Variants in DOCK5 observed in about 807,000 individuals in gnomAD.
The protein encoded by DOCK5 is dedicator of cytokinesis protein 5.
In DOCK5, 142 loss-of-function variants were observed where a neutral mutation model predicts 251.8. The observed-to-expected ratio is 0.56, with a 90% CI of 0.49 to 0.65. The LOEUF (loss-of-function observed/expected upper bound fraction) is 0.65. Among genes scored for constraint, DOCK5 ranks in the 30% least tolerant of loss-of-function variants. DOCK5 has a pLI of 0.00. For synonymous variants in DOCK5, 842 were observed against 835.5 expected, an observed-to-expected ratio of 1.01 and a Z score of -0.13; for missense variants, 2,111 against 2,312.3, an observed-to-expected ratio of 0.91 and a Z score of 1.79.
At chr8:25,392,669 C>T in intron 43 of DOCK5, 127 bp from the exon 44 acceptor site, 1 of 807,234 alleles carries the variant, frequency 1.2e-6, no homozygotes, top group Non-Finnish European at 2.0e-6. Context: ...CTCTACGAGG[C>T]ATTTGAGAAT....
At chr8:25,331,268 C>T (rs1805676276) in intron 18 of DOCK5, among the ~76,000 whole-genome samples, 1 of 149,424 alleles carries the variant, frequency 6.7e-6, no homozygotes. Flanking sequence ...CACACACACA[C>T]ACATATATGT....
intron 1 of DOCK5, among the ~76,000 whole-genome samples, chr8:25,210,202 C>T (rs190927449): frequency 1.6e-5 from 1 of 63,546 alleles, no homozygotes; most frequent in East Asian, 3.4e-4. Context: ...AAGCGATCCT[C>T]CTGCCTTGGG....
intron 40 of DOCK5, among the ~76,000 whole-genome samples, chr8:25,384,556 T>G (rs1158403466): frequency 6.6e-6 from 1 of 150,816 alleles, no homozygotes; most frequent in Non-Finnish European, 1.5e-5. Flanking sequence ...GTCTTCTGGG[T>G]TGAAGCGATT....
chr8:25,403,373 C>G (rs997393354), intron 47 of DOCK5, among the ~76,000 whole-genome samples, 185 bp from the exon 48 acceptor site: 1 of 152,128 alleles, frequency 6.6e-6, no homozygotes, highest in Admixed American at 6.6e-5. Flanking sequence ...CTATAGCTAA[C>G]AGTATCAGTA....
chr8:25,370,995 A>G (rs995004946), intron 34 of DOCK5, among the ~76,000 whole-genome samples: 2 of 152,022 alleles, frequency 1.3e-5, no homozygotes, highest in Non-Finnish European at 2.9e-5. Context: ...TCAGGTTGTA[A>G]CTACTCTAGA....
intron 3 of DOCK5, among the ~76,000 whole-genome samples, chr8:25,275,070 C>T (rs545984539): frequency 1.3e-5 from 2 of 152,258 alleles, no homozygotes; most frequent in East Asian, 3.9e-4. Flanking sequence ...CAAGTAGCAT[C>T]TGAGGGGTTT....
chr8:25,352,027 A>G (rs1246514733), intron 27 of DOCK5, among the ~76,000 whole-genome samples: 1 of 151,998 alleles, frequency 6.6e-6, no homozygotes, highest in Non-Finnish European at 1.5e-5. Context: ...TAGGCAATAT[A>G]GTGAGACCCC....
At chr8:25,214,924 G>A (rs1203695818) in intron 1 of DOCK5, among the ~76,000 whole-genome samples, 3 of 152,204 alleles carry the variant, frequency 2.0e-5, no homozygotes, top group African/African-American at 7.2e-5. Context: ...CCACTGGCCA[G>A]CTGCAAATTT....
At chr8:25,196,987 C>T (rs1801745504) in intron 1 of DOCK5, among the ~76,000 whole-genome samples, 1 of 151,782 alleles carries the variant, frequency 6.6e-6, no homozygotes, top group African/African-American at 2.4e-5. Flanking sequence ...TTGCTTGAGC[C>T]CAGGAGTTTG....
chr8:25,359,013 C>T lies in DOCK5; in HGVS notation c.2901C>T (p.Ser967=). The change falls in exon 28 of 52, where the codon AGC becomes AGT. Residue 967 remains serine, a synonymous_variant. Coordinates refer to ENST00000276440, the MANE Select transcript of DOCK5 (RefSeq NM_024940.8). The part of the protein sequence containing the change: ...MIALLQQMDD[S]HYSHYISTFK... ...CCCTGCTGCAGCAAATGGACGACAG[C>T]CACTATAGCCACTACATCAGCACTT... 6.2e-7 allele frequency: 1 copy of T among 1,613,982 alleles called. No individual in the cohort carries two copies. The highest frequency in any genetic ancestry group is 8.5e-7 in the Non-Finnish European group (1 of 1,179,862).
intron 22 of DOCK5, among the ~76,000 whole-genome samples, chr8:25,340,441 G>A (rs1805924727): frequency 6.6e-6 from 1 of 152,160 alleles, no homozygotes; most frequent in East Asian, 1.9e-4. Flanking sequence ...ACTTTCATTT[G>A]GGACTTTTGT....
chr8:25,404,895 T>A (rs762163550), intron 48 of DOCK5, among the ~76,000 whole-genome samples: 2 of 152,188 alleles, frequency 1.3e-5, no homozygotes, highest in South Asian at 2.1e-4. Flanking sequence ...ACTCTTAGTC[T>A]TTTTAAATTT....
At chr8:25,397,742 C>T (rs1801370768) in intron 45 of DOCK5, among the ~76,000 whole-genome samples, 1 of 152,026 alleles carries the variant, frequency 6.6e-6, no homozygotes. Flanking sequence ...TTTATATATG[C>T]CAATATCTGT....
intron 45 of DOCK5, among the ~76,000 whole-genome samples, chr8:25,398,520 C>G (rs1180626645): frequency 6.6e-6 from 1 of 152,142 alleles, no homozygotes; most frequent in Non-Finnish European, 1.5e-5. Context: ...GTTGCACGAG[C>G]AAGAAGTCTG....
Position 25,377,548 on chromosome 8 carries a change from C to T in DOCK5, c.3936+124C>T, listed in dbSNP as rs1041775004. On this transcript the variant is annotated intron_variant, in intron 38 of 51. Coordinates refer to ENST00000276440, the MANE Select transcript of DOCK5 (RefSeq NM_024940.8). Reference sequence around the variant, plus strand: ...CCCAGGTTCAGGGCACTGTCTCCAACGAGACTGCCCCCGCTTCAGATGCCA... The same window carrying T: ...CCCAGGTTCAGGGCACTGTCTCCAATGAGACTGCCCCCGCTTCAGATGCCA... 1.0e-4 allele frequency: 125 copies of T among 1,226,900 alleles called. No homozygotes were observed. In the African/African-American group the frequency reaches 1.1e-3, roughly 11 times the overall value. 76.0% of individuals were successfully genotyped at this position (1,226,900 alleles called of 1,614,324 possible).
chr8:25,396,911 T>C (rs908121048), intron 45 of DOCK5, among the ~76,000 whole-genome samples: 4 of 151,934 alleles, frequency 2.6e-5, no homozygotes, highest in African/African-American at 9.7e-5. Context: ...GCTCCATATA[T>C]CTGCAAAGTG....
In DOCK5 at chr8:25,374,161, G is replaced by A. The variant is rs546135002; in HGVS notation, c.3726-403G>A. On this transcript the variant is annotated intron_variant, in intron 36 of 51. Coordinates refer to ENST00000276440, the MANE Select transcript of DOCK5 (RefSeq NM_024940.8). ...TCAGAGAAACACGGAGGCAGGAGGT[G>A]CACAGTGTATTGAAGAAATGGGGAA... Among the ~76,000 whole-genome samples, 61 of 152,264 alleles carry A rather than the reference G, an allele frequency of 4.0e-4. 1 individual carries two copies. Among genetic ancestry groups the A allele is most frequent in the African/African-American group, 1.4e-3 (57 of 41,546 alleles).
At chr8:25,243,066 A>G (rs1446075640) in intron 1 of DOCK5, among the ~76,000 whole-genome samples, 2 of 152,068 alleles carry the variant, frequency 1.3e-5, no homozygotes, top group African/African-American at 4.8e-5. Flanking sequence ...CACAACTTTA[A>G]CTAGTTATTT....
chr8:25,356,461 T>C (rs1800570753), intron 27 of DOCK5, among the ~76,000 whole-genome samples: 1 of 151,654 alleles, frequency 6.6e-6, no homozygotes, highest in African/African-American at 2.4e-5. Flanking sequence ...ATCCCAGGAG[T>C]TGGAGACCAG....
Sources: allele counts gnomAD v4.1 joint callset (sites outside exome capture counted in the v4.1 genomes callset), GRCh38; gene constraint gnomAD v4.1.1; transcripts MANE v1.5; gene names NCBI Gene and HGNC (gene_info 2026-07-23, HGNC 2026-07-21).